Variants in FBXO8 observed in about 807,000 individuals in gnomAD.
FBXO8 encodes the protein F-box only protein 8.
Under a neutral mutation model 33.4 loss-of-function variants are expected in FBXO8, and 15 were observed. That is an observed-to-expected ratio of 0.45 (90% confidence interval 0.30 to 0.69). The LOEUF (loss-of-function observed/expected upper bound fraction) is 0.69. Among genes scored for constraint, FBXO8 ranks in the 30% least tolerant of loss-of-function variants. The pLI is 0.08. For synonymous variants in FBXO8, 132 were observed against 131.5 expected, an observed-to-expected ratio of 1.00 and a Z score of -0.02; for missense variants, 274 against 380.3, an observed-to-expected ratio of 0.72 and a Z score of 2.32.
rs1736413688 is a variant in FBXO8, at chr4:174,256,310, A to G, written c.456+3389T>C. ...GCATCACATATTTAAACGTATCATC[A>G]AAACTAATTTACTGCTCAGAGTTAA... On this transcript the variant is annotated intron_variant, in intron 3 of 5. Transcript: ENST00000393674. This position sits in a 1 kb window ranked among gnomAD's most constrained non-coding sequence, Gnocchi z 4.6. Among the ~76,000 whole-genome samples, 1 of 152,196 alleles carries G rather than the reference A, an allele frequency of 6.6e-6. No individual in the cohort carries two copies. The highest frequency in any genetic ancestry group is 1.9e-4 in the East Asian group (1 of 5,196).
intron 1 of FBXO8, among the ~76,000 whole-genome samples, chr4:174,266,698 TCTTA>T (rs1339535617): frequency 1.3e-5 from 2 of 152,180 alleles, no homozygotes; most frequent in African/African-American, 2.4e-5. Context: ...CTTTATTAGT[TCTTA>T]CTTACAGGAC....
chr4:174,238,983 T>C lies in FBXO8; in HGVS notation c.772+11A>G. The C allele has an allele frequency of 2.0e-6, 3 of 1,497,732 alleles. No homozygotes were observed. Among genetic ancestry groups the C allele is most frequent in the Non-Finnish European group, 1.8e-6 (2 of 1,115,668 alleles). The allele number at this position is 1,497,732 out of a possible 1,614,324, so 92.8% of individuals were successfully genotyped here. ...CAGGGGGTGATGTACTATTAATATA[T>C]ATATTCTTACCAGGACTAAGGCCAA... On this transcript the variant is annotated intron_variant, in intron 5 of 5. Coordinates refer to ENST00000393674, the MANE Select transcript of FBXO8 (RefSeq NM_012180.3).
At chr4:174,282,858 T>A (rs1028301687) in intron 1 of FBXO8, among the ~76,000 whole-genome samples, 8 of 152,132 alleles carry the variant, frequency 5.3e-5, no homozygotes, top group African/African-American at 1.9e-4. Context: ...TTTTGCCAAA[T>A]AAATATTGAG....
rs1346436094 is a variant in FBXO8, at chr4:174,240,196, T to A, written c.575+904A>T. Among the ~76,000 whole-genome samples, 2 of 149,664 alleles carry A rather than the reference T, an allele frequency of 1.3e-5. 1 individual carries two copies. Among genetic ancestry groups the A allele is most frequent in the Admixed American group, 1.3e-4 (2 of 15,014 alleles). On this transcript the variant is annotated intron_variant, in intron 4 of 5. Transcript: ENST00000393674. ...AAAGAAAGAAAAAAACCCCTGCCTA[T>A]CCCTAGGTACTTGGCACTTAAAGAC...
intron 3 of FBXO8, among the ~76,000 whole-genome samples, chr4:174,242,216 A>G (rs878872697): frequency 6.6e-6 from 1 of 151,630 alleles, no homozygotes; most frequent in Admixed American, 6.6e-5. Context: ...GTTTTCACAC[A>G]TAAATTCCTT....
At position 174,263,482 on chromosome 4, in the gene FBXO8, G is replaced by A. The variant is rs1418522495; in HGVS notation, c.-8-382C>T. On this transcript the variant is annotated intron_variant, in intron 1 of 5. Coordinates refer to ENST00000393674, the MANE Select transcript of FBXO8 (RefSeq NM_012180.3). This position sits in a 1 kb window ranked among gnomAD's most constrained non-coding sequence, Gnocchi z 4.2. ...AGCTCTGATCAGAGCACGGACTTTAGTTAAAAGGCCTCCAGACCCTGCTTT... is the reference window on the plus strand; with the variant it reads ...AGCTCTGATCAGAGCACGGACTTTAATTAAAAGGCCTCCAGACCCTGCTTT... Among the ~76,000 whole-genome samples the A allele has an allele frequency of 6.6e-6, 1 of 152,148 alleles. No homozygotes were observed. The highest frequency in any genetic ancestry group is 2.4e-5 in the African/African-American group (1 of 41,428).
chr4:174,264,806 A>C (rs890117929), intron 1 of FBXO8, among the ~76,000 whole-genome samples: 3 of 151,992 alleles, frequency 2.0e-5, no homozygotes, highest in Non-Finnish European at 2.9e-5. Context: ...AAAAAAAAAA[A>C]AACAGAATAT....
chr4:174,255,941 A>T lies in FBXO8; in HGVS notation c.456+3758T>A. ...AATGTGGCCACCTGCCACAAAGTAC[A>T]CAAGCTCATGCACAAGATCAAGACG... On this transcript the variant is annotated intron_variant, in intron 3 of 5. Transcript: ENST00000393674. This position sits in a 1 kb window ranked among gnomAD's most constrained non-coding sequence, Gnocchi z 4.3. 1 of 293,068 alleles carries T rather than the reference A, an allele frequency of 3.4e-6. No homozygotes were observed. 18.2% of individuals were successfully genotyped at this position (293,068 alleles called of 1,614,324 possible).
At chr4:174,238,120 A>T (rs1735930816) in intron 5 of FBXO8, among the ~76,000 whole-genome samples, 1 of 152,000 alleles carries the variant, frequency 6.6e-6, no homozygotes, top group Non-Finnish European at 1.5e-5. Context: ...AATGTAAATA[A>T]CTCAAAAGAT....
At position 174,272,186 on chromosome 4, in the gene FBXO8, T is replaced by A. The variant is rs967624465; in HGVS notation, c.-8-9086A>T. Among the ~76,000 whole-genome samples, 1 of 152,204 alleles carries A rather than the reference T, an allele frequency of 6.6e-6. No homozygotes were observed. Among genetic ancestry groups the A allele is most frequent in the African/African-American group, 2.4e-5 (1 of 41,456 alleles). ...TGGAACATCAAAATAAAAATGACAG[T>A]AATGAATTAATTGCTCCTTAGTATT... is the stretch of plus-strand genomic sequence containing the variant. On this transcript the variant is annotated intron_variant, in intron 1 of 5. Coordinates refer to ENST00000393674, the MANE Select transcript of FBXO8 (RefSeq NM_012180.3). The surrounding 1 kb of genome is among the most constrained non-coding windows in gnomAD (Gnocchi z 4.7).
rs1201023659 is a variant in FBXO8 at position 174,278,038 on chromosome 4, G to T, written c.-9+5372C>A. 1.3e-5 allele frequency among the ~76,000 whole-genome samples: 2 copies of T among 151,858 alleles called. No individual in the cohort carries two copies. The highest frequency in any genetic ancestry group is 1.5e-5 in the Non-Finnish European group (1 of 67,928). On this transcript the variant is annotated intron_variant, in intron 1 of 5. Coordinates refer to ENST00000393674, the MANE Select transcript of FBXO8 (RefSeq NM_012180.3). This position sits in a 1 kb window ranked among gnomAD's most constrained non-coding sequence, Gnocchi z 4.1. ...AGCATTTATTTCTTCACTTCCAAAA[G>T]AATAGACCACCAAAGAAGTTTAGAA...
chr4:174,237,444 TG>T lies in FBXO8; in HGVS notation c.927del (p.Asp309GlufsTer17), dbSNP rs1560863281. ...ISEDFVGHLY[D>X]NIYLIGHVAA Reference sequence around the variant, plus strand: ...GCCACATGGCCAATAAGGTAGATATTGTCATAAAGATGCCCTACAAAATCTT... The same window carrying T: ...GCCACATGGCCAATAAGGTAGATATTTCATAAAGATGCCCTACAAAATCTT... On this transcript the variant is annotated frameshift_variant, in exon 6 of 6. Transcript: ENST00000393674. LOFTEE classifies it high-confidence loss of function. This position sits in a 1 kb window ranked among gnomAD's most constrained non-coding sequence, Gnocchi z 4.4. The T allele has an allele frequency of 6.2e-7, 1 of 1,613,592 alleles. No individual in the cohort carries two copies. Among genetic ancestry groups the T allele is most frequent in the Admixed American group, 1.7e-5 (1 of 60,004 alleles).
In FBXO8 at chr4:174,262,894, C is replaced by A; in HGVS notation, c.199G>T (p.Gly67Ter). Residue 67 changes from glycine to a stop codon, truncating the protein, a stop_gained, in exon 2 of 6, where the codon GGA becomes TGA. Coordinates refer to ENST00000393674, the MANE Select transcript of FBXO8 (RefSeq NM_012180.3). LOFTEE classifies it high-confidence loss of function. This position sits in a 1 kb window ranked among gnomAD's most constrained non-coding sequence, Gnocchi z 4.6. ...GGCAACATTTCCAAATTAATGAATC[C>A]TTCCTGTTCTTTCGATTTCCTTGCC... is the stretch of plus-strand genomic sequence containing the variant. ...LKARKSKEQE[G>*]FINLEMLPPE... The A allele has an allele frequency of 6.2e-7, 1 of 1,614,010 alleles. No homozygotes were observed. Among genetic ancestry groups the A allele is most frequent in the Non-Finnish European group, 8.5e-7 (1 of 1,179,936 alleles).
intron 1 of FBXO8, among the ~76,000 whole-genome samples, chr4:174,276,972 T>C (rs1455254619): frequency 1.2e-4 from 18 of 152,220 alleles, no homozygotes. Flanking sequence ...CATCTTTTAA[T>C]TGGTAAAGCA....
Position 174,274,736 on chromosome 4 carries a change from A to G in FBXO8, c.-9+8674T>C, listed in dbSNP as rs546705914. ...TTGAATGAATAAACGATTAGTAAGCACTGATTTTAAAAAAAATGAATTACA... is the reference window on the plus strand; with the variant it reads ...TTGAATGAATAAACGATTAGTAAGCGCTGATTTTAAAAAAAATGAATTACA... On this transcript the variant is annotated intron_variant, in intron 1 of 5. Transcript: ENST00000393674. This position sits in a 1 kb window ranked among gnomAD's most constrained non-coding sequence, Gnocchi z 4.0. Among the ~76,000 whole-genome samples, 8 of 152,364 alleles carry G rather than the reference A, an allele frequency of 5.3e-5. No individual in the cohort carries two copies. The highest frequency in any genetic ancestry group is 1.9e-4 in the African/African-American group (8 of 41,594).
chr4:174,251,364 T>C lies in FBXO8; in HGVS notation c.456+8335A>G, dbSNP rs1364921697. ...AAAGATTAGAAGAGGGCCTCGGAAATTTGTCTTTCTTTCAAGTTTCTAAAA... is the reference window on the plus strand; with the variant it reads ...AAAGATTAGAAGAGGGCCTCGGAAACTTGTCTTTCTTTCAAGTTTCTAAAA... On this transcript the variant is annotated intron_variant, in intron 3 of 5. Coordinates refer to ENST00000393674, the MANE Select transcript of FBXO8 (RefSeq NM_012180.3). The surrounding 1 kb of genome is among the most constrained non-coding windows in gnomAD (Gnocchi z 4.2). Among the ~76,000 whole-genome samples the C allele has an allele frequency of 2.0e-5, 3 of 152,054 alleles. No individual in the cohort carries two copies. The highest frequency in any genetic ancestry group is 4.4e-5 in the Non-Finnish European group (3 of 67,992).
rs1736344629 is a variant in FBXO8, at chr4:174,253,500, C to G, written c.456+6199G>C. Among the ~76,000 whole-genome samples the G allele has an allele frequency of 6.6e-6, 1 of 152,166 alleles. No individual in the cohort carries two copies. Among genetic ancestry groups the G allele is most frequent in the African/African-American group, 2.4e-5 (1 of 41,444 alleles). On this transcript the variant is annotated intron_variant, in intron 3 of 5. Coordinates refer to ENST00000393674, the MANE Select transcript of FBXO8 (RefSeq NM_012180.3). The surrounding 1 kb of genome is among the most constrained non-coding windows in gnomAD (Gnocchi z 4.5). ...TGTTGTGCCACAGGTGCCAATGTTCCTCCTTTGGATACTAAGGCCTCTAAC... is the reference window on the plus strand; with the variant it reads ...TGTTGTGCCACAGGTGCCAATGTTCGTCCTTTGGATACTAAGGCCTCTAAC...
chr4:174,243,276 A>G (rs1342311537), intron 3 of FBXO8, among the ~76,000 whole-genome samples: 1 of 151,442 alleles, frequency 6.6e-6, no homozygotes, highest in African/African-American at 2.4e-5. Context: ...TTTAAATTCA[A>G]TCCTGAAAAT....
At chr4:174,246,860 T>C (rs556221150) in intron 3 of FBXO8, among the ~76,000 whole-genome samples, 1 of 152,128 alleles carries the variant, frequency 6.6e-6, no homozygotes, top group East Asian at 1.9e-4. Flanking sequence ...CTTAGGTCTA[T>C]CTGGGGAGCA....
Sources: allele counts gnomAD v4.1 joint callset (sites outside exome capture counted in the v4.1 genomes callset), GRCh38; gene constraint gnomAD v4.1.1; non-coding constraint Gnocchi (gnomAD v3.1); transcripts MANE v1.5; gene names NCBI Gene and HGNC (gene_info 2026-07-23, HGNC 2026-07-21).